The following TGFBR3 variants were observed in gnomAD, a reference collection of about 807,000 sequenced individuals.
TGFBR3 encodes the protein transforming growth factor beta receptor 3.
A neutral mutation model predicts 87.9 loss-of-function variants in TGFBR3; 46 were observed. The observed-to-expected ratio is 0.52, with a 90% CI of 0.41 to 0.67. The LOEUF (loss-of-function observed/expected upper bound fraction) is 0.67. Ranked by LOEUF, TGFBR3 falls within the 30% of genes least tolerant of loss-of-function variation. The probability of loss-of-function intolerance (pLI) is 0.00; values close to 1 mark genes in which losing one functional copy is unlikely to be tolerated. For missense variants in TGFBR3, 866 were observed against 1,041.9 expected (o/e 0.83, Z 2.32); for synonymous variants, 381 against 391.6 (o/e 0.97, Z 0.32).
intron 3 of TGFBR3, among the ~76,000 whole-genome samples, chr1:91,762,251 C>G (rs778775939): frequency 6.6e-6 from 1 of 152,098 alleles, no homozygotes; most frequent in Non-Finnish European, 1.5e-5. Context: ...CTTACCAAAC[C>G]AAACCAAACA....
In TGFBR3 at chr1:91,810,678, A is replaced by G. The variant is rs544188299; in HGVS notation, c.62-13207T>C. Among the ~76,000 whole-genome samples, 3 of 152,290 alleles carry G rather than the reference A, an allele frequency of 2.0e-5. No individual in the cohort carries two copies. The South Asian group carries it at 6.2e-4, about 32-fold the overall frequency. ...CTAAGGACTATGGAGCCAGTCTCCT[A>G]CGTTTAATCCCAGCGCTGCCACATT... is the stretch of plus-strand genomic sequence containing the variant. On this transcript the variant is annotated intron_variant, in intron 2 of 16. Coordinates refer to ENST00000212355, the MANE Select transcript of TGFBR3 (RefSeq NM_003243.5).
chr1:91,820,679 C>T (rs1339214858), intron 2 of TGFBR3, among the ~76,000 whole-genome samples: 4 of 152,020 alleles, frequency 2.6e-5, no homozygotes, highest in Non-Finnish European at 5.9e-5. Context: ...CAGCGAGACT[C>T]CGTCTAAAAT....
At chr1:91,845,382 T>C (rs1264608672) in intron 2 of TGFBR3, among the ~76,000 whole-genome samples, 1 of 152,188 alleles carries the variant, frequency 6.6e-6, no homozygotes, top group African/African-American at 2.4e-5. Context: ...ATGGATGTTT[T>C]CAAACAGAGC....
intron 2 of TGFBR3, among the ~76,000 whole-genome samples, chr1:91,822,284 GC>G (rs1271713601): frequency 8.8e-6 from 1 of 113,306 alleles, no homozygotes; most frequent in Admixed American, 1.1e-4. Flanking sequence ...GCTGAGAAGA[GC>G]AAAGCATTAA....
intron 2 of TGFBR3, among the ~76,000 whole-genome samples, chr1:91,826,838 G>A (rs1034640996): frequency 6.6e-6 from 1 of 151,166 alleles, no homozygotes; most frequent in Admixed American, 6.6e-5. Flanking sequence ...GGAGTTCCAC[G>A]GGTCTCATTT....
chr1:91,713,652 T>C (rs1001485882), intron 12 of TGFBR3, among the ~76,000 whole-genome samples: 4 of 152,166 alleles, frequency 2.6e-5, no homozygotes, highest in African/African-American at 9.7e-5. Context: ...AGCACTGTTG[T>C]GAAAGATTCC....
rs149332110 is a variant in TGFBR3, at chr1:91,817,303, T to C, written c.62-19832A>G. ...TTCCACGGTCCATATTTGACAATCT[T>C]TCAAAAAAATGTTAATATTACACAT... On this transcript the variant is annotated intron_variant, in intron 2 of 16. Coordinates refer to ENST00000212355, the MANE Select transcript of TGFBR3 (RefSeq NM_003243.5). 1.5e-3 allele frequency among the ~76,000 whole-genome samples: 231 copies of C among 152,188 alleles called. 1 individual carries two copies. Among genetic ancestry groups the C allele is most frequent in the African/African-American group, 5.2e-3 (215 of 41,520 alleles).
In TGFBR3 at chr1:91,734,952, T is replaced by G. The variant is rs1284849450; in HGVS notation, c.392A>C (p.Glu131Ala). Residue 131 changes from glutamate (E) to alanine (A), a missense_variant, in exon 5 of 17, where the codon GAG (glutamate) becomes GCG (alanine). Physicochemically the swap from Glu to Ala is moderately radical, Grantham distance 107. Transcript: ENST00000212355. ...TGATGAAAACTGGACCACAGAACCC[T>G]CAGACACCTAGAGGAAAGAGAATTG... Reference protein sequence around the residue: ...TGVSRLFLVSEGSVVQFSSAN... With the variant: ...TGVSRLFLVSAGSVVQFSSAN... The G allele has an allele frequency of 1.9e-6, 3 of 1,614,174 alleles. No individual in the cohort carries two copies. Among genetic ancestry groups the G allele is most frequent in the East Asian group, 4.5e-5 (2 of 44,872 alleles).
intron 2 of TGFBR3, among the ~76,000 whole-genome samples, chr1:91,841,863 G>C (rs1031428267): frequency 7.3e-5 from 11 of 150,314 alleles, no homozygotes; most frequent in African/African-American, 2.7e-4. Flanking sequence ...ACAACACTTT[G>C]GGAGGCAGGT....
chr1:91,774,198 C>T (rs149768860), intron 3 of TGFBR3, among the ~76,000 whole-genome samples: 215 of 151,836 alleles, frequency 1.4e-3, no homozygotes, highest in Non-Finnish European at 2.8e-3. Context: ...AATGCAGTGG[C>T]ACGATCTCGG....
At chr1:91,903,362 A>AAC (rs1370129397) in intron 1 of TGFBR3, among the ~76,000 whole-genome samples, 5 of 150,406 alleles carry the variant, frequency 3.3e-5, no homozygotes, top group Non-Finnish European at 5.9e-5. Flanking sequence ...AAAAAAAAAA[A>AAC]AAAATTGCCA....
At chr1:91,744,610 G>A (rs1673273725) in intron 4 of TGFBR3, among the ~76,000 whole-genome samples, 2 of 152,146 alleles carry the variant, frequency 1.3e-5, no homozygotes, top group Admixed American at 1.3e-4. Flanking sequence ...GCTTCCCAAA[G>A]TCTGATCCTC....
At chr1:91,829,193 T>A (rs1304220745) in intron 2 of TGFBR3, among the ~76,000 whole-genome samples, 5 of 151,858 alleles carry the variant, frequency 3.3e-5, no homozygotes, top group African/African-American at 9.7e-5. Context: ...CTGGAGAGCA[T>A]GGTGAAACCC....
chr1:91,726,420 C>T (rs749714897), intron 7 of TGFBR3, among the ~76,000 whole-genome samples: 14 of 151,468 alleles, frequency 9.2e-5, no homozygotes, highest in Non-Finnish European at 1.6e-4. Context: ...CCAGAGAAGG[C>T]AATCAAAACA....
chr1:91,746,542 A>G (rs1404628870), intron 4 of TGFBR3, among the ~76,000 whole-genome samples: 1 of 152,212 alleles, frequency 6.6e-6, no homozygotes, highest in Non-Finnish European at 1.5e-5. Flanking sequence ...TATCATTACT[A>G]TTACTTGCCA....
chr1:91,790,439 T>A (rs284143), intron 3 of TGFBR3, among the ~76,000 whole-genome samples: 1 of 152,134 alleles, frequency 6.6e-6, no homozygotes, highest in Admixed American at 6.5e-5. Context: ...TTTCTCTGAA[T>A]GTGTCTCTGT....
In TGFBR3 at chr1:91,712,252, C is replaced by T. The variant is rs1672005951; in HGVS notation, c.2157G>A (p.Lys719=). 1 of 1,614,088 alleles carries T rather than the reference C, an allele frequency of 6.2e-7. No homozygotes were observed. Among genetic ancestry groups the T allele is most frequent in the East Asian group, 2.2e-5 (1 of 44,838 alleles). ...ATGAAGGCCCACAAACCTTAGGCAA[C>T]TTCTGGGGGTGCTTCTCCATCTTCG... The part of the protein sequence containing the change: ...LCTKMEKHPQ[K]LPKCVPPDEA... The change falls in exon 13 of 17, where the codon AAG becomes AAA. Residue 719 remains lysine, a synonymous_variant. Coordinates refer to ENST00000212355, the MANE Select transcript of TGFBR3 (RefSeq NM_003243.5).
intron 4 of TGFBR3, among the ~76,000 whole-genome samples, chr1:91,741,392 C>A (rs981164078): frequency 1.8e-4 from 27 of 152,170 alleles, no homozygotes; most frequent in African/African-American, 6.0e-4. Context: ...GCCACTCCCC[C>A]ACGCCCCGGC....
At chr1:91,721,835 T>A in intron 8 of TGFBR3, 120 bp downstream of exon 8, 1 of 926,314 alleles carries the variant, frequency 1.1e-6, no homozygotes, top group Non-Finnish European at 1.6e-6. Flanking sequence ...TAAAAAGTAG[T>A]CAAATTATTA....
Sources: gnomAD v4.1 joint callset for allele counts (sites outside exome capture counted in the v4.1 genomes callset) on GRCh38, gnomAD v4.1.1 for gene constraint, MANE v1.5 for transcripts, NCBI Gene and HGNC (gene_info 2026-07-23, HGNC 2026-07-21) for gene names.